SGCZ: variants seen among roughly 807,000 people sequenced by gnomAD.
The protein encoded by SGCZ is zeta-sarcoglycan.
In SGCZ, 40 loss-of-function variants were observed where a neutral mutation model predicts 41.3. The observed-to-expected ratio is 0.97, with a 90% CI of 0.75 to 1.26. The LOEUF (loss-of-function observed/expected upper bound fraction) is 1.26. Among genes scored for constraint, SGCZ ranks in the 50% most tolerant of loss-of-function variants. SGCZ has a pLI of 0.00. For synonymous variants in SGCZ, 206 were observed against 137.5 expected (o/e 1.50, Z -3.49); for missense variants, 552 against 369.8 (o/e 1.49, Z -4.04).
At chr8:14,220,400 T>C (rs1327490446) in intron 4 of SGCZ, among the ~76,000 whole-genome samples, 1 of 152,114 alleles carries the variant, frequency 6.6e-6, no homozygotes, top group Non-Finnish European at 1.5e-5. Context: ...CAAATAATGG[T>C]TTAGCTTTGA....
chr8:14,487,807 C>T (rs958001212), intron 2 of SGCZ: 19 of 151,256 alleles, frequency 1.3e-4, no homozygotes, highest in African/African-American at 4.6e-4. Flanking sequence ...ATCTACATGT[C>T]ATCTTTGGAC....
At chr8:14,497,164 G>A (rs975847862) in intron 2 of SGCZ, among the ~76,000 whole-genome samples, 1 of 152,146 alleles carries the variant, frequency 6.6e-6, no homozygotes, top group African/African-American at 2.4e-5. Flanking sequence ...AGAAATACCT[G>A]AGGCTGGGTA....
At chr8:14,101,968 C>T (rs887044550) in intron 7 of SGCZ, among the ~76,000 whole-genome samples, 4 of 151,516 alleles carry the variant, frequency 2.6e-5, no homozygotes, top group Admixed American at 6.6e-5. Context: ...AAGCAAGCTC[C>T]GCCTCCCATG....
chr8:14,894,979 T>G (rs1021647232), intron 1 of SGCZ, among the ~76,000 whole-genome samples: 1 of 152,162 alleles, frequency 6.6e-6, no homozygotes, highest in South Asian at 2.1e-4. Flanking sequence ...AAAATCTTTA[T>G]ATCTTCCATA....
chr8:15,200,940 T>C (rs975275446), intron 1 of SGCZ, among the ~76,000 whole-genome samples: 5 of 152,174 alleles, frequency 3.3e-5, no homozygotes, highest in African/African-American at 1.2e-4. Context: ...AATATTCTTT[T>C]CCCTTTGAAT....
chr8:14,272,103 A>C (rs1353886576), intron 3 of SGCZ, among the ~76,000 whole-genome samples: 3 of 152,134 alleles, frequency 2.0e-5, no homozygotes, highest in Non-Finnish European at 4.4e-5. Context: ...TCCCAGGTTC[A>C]AGCGATTCTC....
intron 6 of SGCZ, among the ~76,000 whole-genome samples, chr8:14,102,922 TG>T (rs1254530386): frequency 6.6e-6 from 1 of 152,194 alleles, no homozygotes; most frequent in Non-Finnish European, 1.5e-5. Flanking sequence ...TGTAGATATA[TG>T]TATTCCTCAA....
intron 1 of SGCZ, among the ~76,000 whole-genome samples, chr8:15,090,036 T>C (rs764518208): frequency 3.3e-5 from 5 of 152,236 alleles, no homozygotes; most frequent in Non-Finnish European, 7.3e-5. Context: ...TTGAAACTTT[T>C]GATATTACCT....
intron 2 of SGCZ, among the ~76,000 whole-genome samples, chr8:14,459,888 G>A (rs1261239565): frequency 1.3e-5 from 2 of 152,048 alleles, no homozygotes; most frequent in Non-Finnish European, 2.9e-5. Context: ...TAACTAAACA[G>A]TATTCCTAAA....
intron 1 of SGCZ, among the ~76,000 whole-genome samples, chr8:14,614,678 T>A (rs1038676065): frequency 2.0e-5 from 3 of 152,092 alleles, no homozygotes; most frequent in Non-Finnish European, 4.4e-5. Flanking sequence ...GAAAATTTTT[T>A]AAAAGAAGAT....
At chr8:14,457,192 T>C (rs185528291) in intron 2 of SGCZ, among the ~76,000 whole-genome samples, 216 of 152,360 alleles carry the variant, frequency 1.4e-3, no homozygotes, top group Non-Finnish European at 2.9e-3. Context: ...TAATCCTCGC[T>C]CTATAATCAT....
At chr8:15,214,838 A>C (rs184842221) in intron 1 of SGCZ, among the ~76,000 whole-genome samples, 11 of 152,308 alleles carry the variant, frequency 7.2e-5, no homozygotes, top group Admixed American at 6.5e-4. Context: ...TAGAGATGTT[A>C]CCAGAGCAAA....
intron 1 of SGCZ, among the ~76,000 whole-genome samples, chr8:14,709,211 C>G (rs1350242919): frequency 6.6e-6 from 1 of 152,174 alleles, no homozygotes; most frequent in Non-Finnish European, 1.5e-5. Flanking sequence ...CAGAGATTAT[C>G]TGTTCACCAA....
At chr8:14,728,814 T>C (rs997166100) in intron 1 of SGCZ, among the ~76,000 whole-genome samples, 27 of 152,302 alleles carry the variant, frequency 1.8e-4, no homozygotes, top group African/African-American at 5.8e-4. Context: ...CAAAGTTGAA[T>C]GCGTGTGGTG....
At chr8:14,877,583 A>C (rs1804411723) in intron 1 of SGCZ, among the ~76,000 whole-genome samples, 1 of 152,284 alleles carries the variant, frequency 6.6e-6, no homozygotes, top group Non-Finnish European at 1.5e-5. Context: ...TCTTCAAAAT[A>C]ATGAATAGTG....
chr8:15,040,976 TAAATG>T (rs894132847), intron 1 of SGCZ, among the ~76,000 whole-genome samples: 4 of 152,020 alleles, frequency 2.6e-5, no homozygotes, highest in Non-Finnish European at 5.9e-5. Context: ...AGAATCGAAC[TAAATG>T]AAATGATACA....
chr8:14,369,363 C>A (rs952886274), intron 2 of SGCZ, among the ~76,000 whole-genome samples: 12 of 151,890 alleles, frequency 7.9e-5, no homozygotes, highest in African/African-American at 2.9e-4. Context: ...GAACAGTCCT[C>A]AATTTGAGCT....
chr8:14,373,295 A>C (rs139586861), intron 2 of SGCZ, among the ~76,000 whole-genome samples: 29 of 152,304 alleles, frequency 1.9e-4, no homozygotes, highest in Admixed American at 5.9e-4. Context: ...CATAATTAAC[A>C]GTTTCATTTT....
chr8:14,478,020 C>T (rs865882267), intron 2 of SGCZ, among the ~76,000 whole-genome samples: 50 of 152,182 alleles, frequency 3.3e-4, no homozygotes, highest in African/African-American at 1.1e-3. Context: ...GAAGAAGGAA[C>T]CTGATGAATA....
Sources: gnomAD v4.1 joint callset for allele counts (sites outside exome capture counted in the v4.1 genomes callset) on GRCh38, gnomAD v4.1.1 for gene constraint, MANE v1.5 for transcripts, NCBI Gene and HGNC (gene_info 2026-07-23, HGNC 2026-07-21) for gene names.